Variants in RIMS2 observed in about 807,000 individuals in gnomAD.
RIMS2 encodes regulating synaptic membrane exocytosis 2, also known as regulating synaptic membrane exocytosis protein 2.
RIMS2 carries 59 observed loss-of-function variants against 174.4 expected under a neutral mutation model. The ratio of observed to expected loss-of-function variants is 0.34; its 90% CI spans 0.27 to 0.42. RIMS2 has a LOEUF of 0.42. Among genes scored for constraint, RIMS2 ranks in the 10% least tolerant of loss-of-function variants. RIMS2 has a pLI of 1.00. For synonymous variants in RIMS2, 606 were observed against 572.5 expected (o/e 1.06, Z -0.84); for missense variants, 1,620 against 1,666.3 (o/e 0.97, Z 0.48).
chr8:104,254,475 C>G (rs184194226), downstream of RIMS2: 1 of 152,152 alleles, frequency 6.6e-6, no homozygotes, highest in South Asian at 2.1e-4. Flanking sequence ...CAGCCCTGAG[C>G]CTGCTGCAGC....
intron 2 of RIMS2, among the ~76,000 whole-genome samples, chr8:103,698,871 G>T (rs2097137168): frequency 6.6e-6 from 1 of 152,118 alleles, no homozygotes; most frequent in Admixed American, 6.6e-5. Flanking sequence ...TTGGTATTGG[G>T]ATAATGCTGG....
intron 19 of RIMS2, among the ~76,000 whole-genome samples, chr8:104,096,203 G>T (rs1007600327): frequency 6.6e-6 from 1 of 152,058 alleles, no homozygotes. Flanking sequence ...GCAAAGAAAA[G>T]AATGAGTCTC....
intron 14 of RIMS2, among the ~76,000 whole-genome samples, chr8:103,953,582 A>T (rs1390648973): frequency 6.6e-6 from 1 of 152,208 alleles, no homozygotes; most frequent in South Asian, 2.1e-4. Flanking sequence ...GGCCTGTCCT[A>T]CGAGAGCTCC....
At chr8:104,070,305 A>G (rs1214462580) in intron 19 of RIMS2, among the ~76,000 whole-genome samples, 1 of 152,220 alleles carries the variant, frequency 6.6e-6, no homozygotes, top group Non-Finnish European at 1.5e-5. Flanking sequence ...ATTCTGATAT[A>G]CTGGAAATGT....
intron 1 of RIMS2, among the ~76,000 whole-genome samples, chr8:103,621,132 A>G (rs1229090286): frequency 6.6e-6 from 1 of 152,226 alleles, no homozygotes; most frequent in Non-Finnish European, 1.5e-5. Context: ...TATGTTAGAA[A>G]TGCTTGTTCC....
intron 1 of RIMS2, among the ~76,000 whole-genome samples, chr8:103,633,305 C>G (rs2095991135): frequency 6.6e-6 from 1 of 151,760 alleles, no homozygotes; most frequent in South Asian, 2.1e-4. Context: ...CCTCGATTTC[C>G]CAAAGTGCTG....
chr8:103,800,992 T>C (rs1035489423), intron 3 of RIMS2, among the ~76,000 whole-genome samples: 1 of 152,074 alleles, frequency 6.6e-6, no homozygotes, highest in Non-Finnish European at 1.5e-5. Flanking sequence ...ATTTATTTAT[T>C]CTATTTTTTT....
intron 15 of RIMS2, among the ~76,000 whole-genome samples, chr8:103,962,752 G>C (rs2090555590): frequency 1.3e-5 from 2 of 152,042 alleles, no homozygotes; most frequent in Non-Finnish European, 1.5e-5. Flanking sequence ...AGCTTCCCCA[G>C]TAGCTGGGAC....
chr8:103,938,957 A>G (rs4734735), intron 13 of RIMS2, among the ~76,000 whole-genome samples: 101,919 of 152,086 alleles, frequency 0.67, 34,953 homozygotes, highest in African/African-American at 0.71. Context: ...GGGCAGCTCT[A>G]CCCCTGTGGC....
intron 19 of RIMS2, among the ~76,000 whole-genome samples, chr8:104,185,466 G>A (rs1462513925): frequency 6.6e-6 from 1 of 151,570 alleles, no homozygotes; most frequent in Non-Finnish European, 1.5e-5. Flanking sequence ...ATTCTGACAA[G>A]AGGCGCTAAT....
intron 9 of RIMS2, 95 bp downstream of exon 12, chr8:103,918,582 A>G: frequency 1.1e-6 from 1 of 870,036 alleles, no homozygotes; most frequent in African/African-American, 1.6e-5. Flanking sequence ...AGTAAGAAAT[A>G]TGATAACCTT....
At chr8:103,833,148 G>C (rs546849027) in intron 3 of RIMS2, among the ~76,000 whole-genome samples, 40 of 151,946 alleles carry the variant, frequency 2.6e-4, no homozygotes, top group Non-Finnish European at 4.7e-4. Context: ...TTTTTTGTTT[G>C]TTTGTTTTTA....
At chr8:103,970,632 T>A (rs1489980117) in intron 15 of RIMS2, among the ~76,000 whole-genome samples, 1 of 152,194 alleles carries the variant, frequency 6.6e-6, no homozygotes, top group African/African-American at 2.4e-5. Context: ...GGTCAAGTTT[T>A]CCTACTCTGG....
intron 19 of RIMS2, among the ~76,000 whole-genome samples, chr8:104,025,503 A>G (rs1385955205): frequency 6.6e-6 from 1 of 152,082 alleles, no homozygotes; most frequent in Non-Finnish European, 1.5e-5. Context: ...AAATATACAA[A>G]CAAAAAAGTT....
chr8:103,568,735 C>G, intron 1 of RIMS2: 2 of 974,894 alleles, frequency 2.1e-6, no homozygotes, highest in Non-Finnish European at 3.2e-6. Flanking sequence ...GCCTATAAAG[C>G]AGCTGTAGAT....
At chr8:103,526,578 C>T (rs1319988526) in intron 1 of RIMS2, among the ~76,000 whole-genome samples, 2 of 152,112 alleles carry the variant, frequency 1.3e-5, no homozygotes, top group East Asian at 3.9e-4. Flanking sequence ...AATATAAGAG[C>T]GCTTTGGCAG....
chr8:103,545,351 A>T (rs1844507024), intron 1 of RIMS2, among the ~76,000 whole-genome samples: 1 of 152,220 alleles, frequency 6.6e-6, no homozygotes, highest in Non-Finnish European at 1.5e-5. Context: ...AGAGTGAACA[A>T]AACCTCTGAG....
chr8:103,790,945 T>C lies in RIMS2; in HGVS notation c.698+24408T>C, dbSNP rs867927808. Reference sequence around the variant, plus strand: ...GTGAAAAGACCAAATCTACATCTGATTGGTGTACCTGAAAGTGACGGGGAG... The same window carrying C: ...GTGAAAAGACCAAATCTACATCTGACTGGTGTACCTGAAAGTGACGGGGAG... On this transcript the variant is annotated intron_variant, in intron 3 of 23. Coordinates refer to ENST00000504942, the Ensembl canonical transcript of RIMS2. Among the ~76,000 whole-genome samples, 8 of 152,290 alleles carry C rather than the reference T, an allele frequency of 5.3e-5. No individual in the cohort carries two copies. In the South Asian group the frequency reaches 1.2e-3, roughly 24 times the overall value.
chr8:103,962,754 A>G lies in RIMS2; in HGVS notation c.2770+1621A>G, dbSNP rs571101587. ...ACCCTCTCAGCTCAGCTTCCCCAGT[A>G]GCTGGGACTACAGGTGCACACTACC... On this transcript the variant is annotated intron_variant, in intron 15 of 23. Coordinates refer to ENST00000504942, the Ensembl canonical transcript of RIMS2. Among the ~76,000 whole-genome samples the G allele has an allele frequency of 1.2e-4, 19 of 152,182 alleles. No individual in the cohort carries two copies. In the South Asian group the frequency reaches 3.9e-3, roughly 32 times the overall value.
Sources: gnomAD v4.1 joint callset for allele counts (sites outside exome capture counted in the v4.1 genomes callset) on GRCh38, gnomAD v4.1.1 for gene constraint, MANE v1.5 for transcripts, NCBI Gene and HGNC (gene_info 2026-07-23, HGNC 2026-07-21) for gene names.